Variants in SLC16A5 observed in about 807,000 individuals in gnomAD.
SLC16A5 encodes monocarboxylate transporter 6.
A neutral mutation model predicts 33.2 loss-of-function variants in SLC16A5; 29 were observed. The ratio of observed to expected loss-of-function variants is 0.87; its 90% CI spans 0.65 to 1.19. SLC16A5 has a LOEUF of 1.19. SLC16A5 is among the 50% of genes most tolerant of loss of function. The pLI, the probability that SLC16A5 is intolerant of heterozygous loss-of-function variation, is 0.00. For synonymous variants in SLC16A5, 248 were observed against 284.1 expected (o/e 0.87, Z 1.28); for missense variants, 606 against 678.2 (o/e 0.89, Z 1.18).
rs191791675 is a variant in SLC16A5 at position 75,106,051 on chromosome 17, G to A, written c.*18G>A. On this transcript the variant is annotated 3_prime_UTR_variant, in exon 7 of 7. Transcript: ENST00000329783. ...CTACCTGAGTGCCCTGTTTGACTCC[G>A]CCACTATCTGCCATGTGAGTTGGGC... The A allele has an allele frequency of 1.4e-5, 18 of 1,304,602 alleles. No individual in the cohort carries two copies. In the East Asian group the frequency reaches 2.8e-4, roughly 20 times the overall value. 80.8% of individuals were successfully genotyped at this position (1,304,602 alleles called of 1,614,324 possible).
At chr17:75,092,028 G>GGGGT (rs1555644932) in intron 2 of SLC16A5, among the ~76,000 whole-genome samples, 24 of 149,606 alleles carry the variant, frequency 1.6e-4, no homozygotes, top group Admixed American at 6.0e-4. Flanking sequence ...ATGTGAGGGG[G>GGGGT]GTGTGTGTGT....
At position 75,094,413 on chromosome 17, in the gene SLC16A5, G is replaced by A. The variant is rs544418910; in HGVS notation, c.199+578G>A. Among the ~76,000 whole-genome samples, 7 of 152,342 alleles carry A rather than the reference G, an allele frequency of 4.6e-5. No individual in the cohort carries two copies. The South Asian group carries it at 1.2e-3, about 27-fold the overall frequency. ...AGGAAGACACCAGGAATGGCCGGGC[G>A]CGATGGCTTACGCCTGTAATCCCAG... On this transcript the variant is annotated intron_variant, in intron 3 of 6. Coordinates refer to ENST00000329783, the MANE Select transcript of SLC16A5 (RefSeq NM_004695.4).
chr17:75,104,243 C>G (rs1005583328), intron 6 of SLC16A5, 63 bp downstream of exon 6: 1 of 1,580,498 alleles, frequency 6.3e-7, no homozygotes, highest in African/African-American at 1.4e-5. Context: ...GTCCTGGGAT[C>G]ACTGAGTGAA....
downstream of SLC16A5, among the ~76,000 whole-genome samples, chr17:75,106,460 A>G (rs2073863913): frequency 6.6e-6 from 1 of 151,808 alleles, no homozygotes; most frequent in African/African-American, 2.4e-5. Context: ...CATTTAAAGA[A>G]AAAAGATATC....
rs1452284282 is a variant in SLC16A5, at chr17:75,094,427, C to T, written c.199+592C>T. 3.9e-5 allele frequency among the ~76,000 whole-genome samples: 6 copies of T among 152,346 alleles called. No individual in the cohort carries two copies. The East Asian group carries it at 1.2e-3, about 29-fold the overall frequency. ...AATGGCCGGGCGCGATGGCTTACGC[C>T]TGTAATCCCAGCACTTTGGGAGGCC... On this transcript the variant is annotated intron_variant, in intron 3 of 6. Transcript: ENST00000329783.
chr17:75,094,554 C>CG (rs572788039), intron 3 of SLC16A5, among the ~76,000 whole-genome samples: 3,045 of 152,118 alleles, frequency 0.02, 96 homozygotes, highest in African/African-American at 0.069. Context: ...GGCGTGGTGG[C>CG]GGGTGCCTGT....
chr17:75,097,182 A>G (rs2073731387), intron 3 of SLC16A5, among the ~76,000 whole-genome samples: 1 of 151,982 alleles, frequency 6.6e-6, no homozygotes, highest in Admixed American at 6.6e-5. Flanking sequence ...CCTCCACCGC[A>G]GACACACACA....
chr17:75,095,807 GCA>G (rs2073710955), intron 3 of SLC16A5, among the ~76,000 whole-genome samples: 1 of 149,826 alleles, frequency 6.7e-6, no homozygotes, highest in African/African-American at 2.5e-5. Context: ...CTACAGGTGC[GCA>G]CCACCATGCC....
intron 5 of SLC16A5, 115 bp downstream of exon 5, chr17:75,100,931 G>A: frequency 9.6e-7 from 1 of 1,044,116 alleles, no homozygotes; most frequent in Non-Finnish European, 1.4e-6. Context: ...TTTCCAACCT[G>A]GCACTCAGAG....
intron 4 of SLC16A5, 139 bp from the exon 5 acceptor site, chr17:75,099,868 C>G (rs1473918430): frequency 3.7e-6 from 3 of 807,936 alleles, no homozygotes; most frequent in Admixed American, 5.8e-5. Flanking sequence ...ATTCCATGGT[C>G]AGTCCCCAGG....
intron 2 of SLC16A5, among the ~76,000 whole-genome samples, chr17:75,092,528 C>T (rs1305911011): frequency 1.3e-5 from 2 of 151,898 alleles, no homozygotes; most frequent in African/African-American, 2.4e-5. Flanking sequence ...GGTTTCACCA[C>T]GTTGGCCAGG....
At chr17:75,109,426 A>C (rs926968312), downstream of SLC16A5, among the ~76,000 whole-genome samples, 50 of 152,168 alleles carry the variant, frequency 3.3e-4, no homozygotes, top group African/African-American at 1.1e-3. This position sits in a 1 kb window ranked among gnomAD's most constrained non-coding sequence, Gnocchi z 5.0. Flanking sequence ...CCCGCGCTCC[A>C]AAGGGGCGTC....
intron 5 of SLC16A5, among the ~76,000 whole-genome samples, chr17:75,103,324 A>G (rs566000925): frequency 6.6e-4 from 86 of 130,568 alleles, no homozygotes; most frequent in African/African-American, 2.2e-3. Context: ...GTGCCCATCC[A>G]AGGGAATTCT....
chr17:75,106,581 T>C (rs1009620080), downstream of SLC16A5, among the ~76,000 whole-genome samples: 1 of 126,982 alleles, frequency 7.9e-6, no homozygotes, highest in African/African-American at 3.3e-5. Flanking sequence ...AGCAAGACCC[T>C]GTCTTTTTTT....
intron 3 of SLC16A5, among the ~76,000 whole-genome samples, chr17:75,095,183 G>A (rs1365535368): frequency 6.6e-6 from 1 of 152,238 alleles, no homozygotes; most frequent in East Asian, 1.9e-4. Context: ...GAGGCTCGGA[G>A]AAAGCGCCAC....
chr17:75,100,802 C>T lies in SLC16A5; in HGVS notation c.1139C>T (p.Ser380Phe). 6.3e-7 allele frequency: 1 copy of T among 1,597,850 alleles called. No individual in the cohort carries two copies. Among genetic ancestry groups the T allele is most frequent in the South Asian group, 1.1e-5 (1 of 90,038 alleles). Residue 380 changes from serine to phenylalanine, a missense_variant, in exon 5 of 7, where the codon TCC becomes TTC. Ser to Phe is a radical substitution (Grantham distance 155). Transcript: ENST00000329783. Reference protein sequence around the residue: ...TVLDGLAFLISPPLAGLLLDA... With the variant: ...TVLDGLAFLIFPPLAGLLLDA... ...CTGGACGGCCTTGCTTTCCTCATCT[C>T]CCCACCACTGGCCGGTGAGGAGCTG...
chr17:75,102,401 C>CG (rs1477501363), intron 5 of SLC16A5, among the ~76,000 whole-genome samples: 1 of 144,892 alleles, frequency 6.9e-6, no homozygotes, highest in Non-Finnish European at 1.5e-5. Flanking sequence ...GAGTGAAACT[C>CG]CAACTCGAAA....
At chr17:75,109,225 G>GC (rs1333869441), downstream of SLC16A5, among the ~76,000 whole-genome samples, 1 of 152,150 alleles carries the variant, frequency 6.6e-6, no homozygotes, top group Non-Finnish European at 1.5e-5. The surrounding 1 kb of genome is among the most constrained non-coding windows in gnomAD (Gnocchi z 5.0). Context: ...TCCTCCTCGG[G>GC]CTCCCCCGTG....
chr17:75,095,454 G>C (rs988593889), intron 3 of SLC16A5, among the ~76,000 whole-genome samples: 1 of 152,182 alleles, frequency 6.6e-6, no homozygotes, highest in South Asian at 2.1e-4. Flanking sequence ...GTATGAGCCC[G>C]TGCTCATTCA....
Sources: gnomAD v4.1 joint callset for allele counts (sites outside exome capture counted in the v4.1 genomes callset) on GRCh38, gnomAD v4.1.1 for gene constraint, Gnocchi (gnomAD v3.1) non-coding constraint, MANE v1.5 for transcripts, NCBI Gene and HGNC (gene_info 2026-07-23, HGNC 2026-07-21) for gene names.